Variants in SH3GL3 observed in about 807,000 individuals in gnomAD.
SH3GL3 encodes endophilin-A3.
SH3GL3 carries 33 observed loss-of-function variants against 47.7 expected under a neutral mutation model. The observed-to-expected ratio is 0.69, with a 90% CI of 0.52 to 0.92. The LOEUF (loss-of-function observed/expected upper bound fraction) is 0.92, where lower values mean the gene tolerates loss of function less well. Among genes scored for constraint, SH3GL3 ranks in the 40% least tolerant of loss-of-function variants. The pLI, the probability that SH3GL3 is intolerant of heterozygous loss-of-function variation, is 0.00. For missense variants in SH3GL3, 363 were observed against 417.8 expected (o/e 0.87, Z 1.14); for synonymous variants, 155 against 148.8 (o/e 1.04, Z -0.30).
Position 83,447,488 on chromosome 15 carries a change from C to A in SH3GL3, c.-46C>A, listed in dbSNP as rs751872010. 4.1e-5 allele frequency: 60 copies of A among 1,467,144 alleles called. No homozygotes were observed. In the South Asian group the frequency reaches 7.7e-4, roughly 19 times the overall value. 90.9% of individuals were successfully genotyped at this position (1,467,144 alleles called of 1,614,324 possible). A position where few individuals can be genotyped will look rare whatever the true frequency, so the allele number is the denominator to read the frequency against. On this transcript the variant is annotated 5_prime_UTR_variant, in exon 1 of 9. Coordinates refer to ENST00000427482, the MANE Select transcript of SH3GL3 (RefSeq NM_003027.5). This position sits in a 1 kb window ranked among gnomAD's most constrained non-coding sequence, Gnocchi z 5.1. ...CCCGAGCGCGTCGCGGCCGCGTGGC[C>A]CAGCCGAGCCTTGAGACCACCCCGC...
At chr15:83,623,178 C>A (rs1279615772), downstream of SH3GL3, among the ~76,000 whole-genome samples, 1 of 152,296 alleles carries the variant, frequency 6.6e-6, no homozygotes, top group African/African-American at 2.4e-5. Context: ...TACCACCAAA[C>A]CTTAACCCTT....
At chr15:83,623,929 G>A in the SH3GL3 span, among the ~76,000 whole-genome samples, 5 of 152,166 alleles carry the variant, frequency 3.3e-5, no homozygotes, top group South Asian at 4.2e-4. Context: ...GGGATTACAC[G>A]TGCCCACCAC....
intron 2 of SH3GL3, 23 bp from the exon 3 acceptor site, chr15:83,565,110 CT>C (rs1566991460): frequency 8.8e-6 from 10 of 1,136,346 alleles, no homozygotes; most frequent in Admixed American, 4.0e-5. Context: ...CATTTACTAA[CT>C]TTTTTTAAAT....
chr15:83,481,484 G>C lies in SH3GL3; in HGVS notation c.45+33906G>C, dbSNP rs141930980. 1.6e-3 allele frequency among the ~76,000 whole-genome samples: 250 copies of C among 152,238 alleles called. 2 individuals are homozygous for C. Among genetic ancestry groups the C allele is most frequent in the African/African-American group, 5.8e-3 (241 of 41,534 alleles). Reference sequence around the variant, plus strand: ...ATTTAAATTGCTACTTCTCCCTGCTGGTTTGGTTTGGTTCTCCTCAGAAAT... The same window carrying C: ...ATTTAAATTGCTACTTCTCCCTGCTCGTTTGGTTTGGTTCTCCTCAGAAAT... On this transcript the variant is annotated intron_variant, in intron 1 of 8. Transcript: ENST00000427482.
intron 8 of SH3GL3, among the ~76,000 whole-genome samples, chr15:83,605,799 T>G (rs2060499928): frequency 6.6e-6 from 1 of 152,104 alleles, no homozygotes; most frequent in Admixed American, 6.5e-5. Flanking sequence ...GTTTCATCAG[T>G]GTAAGCTGCC....
intron 1 of SH3GL3, 39 bp from the exon 2 acceptor site, chr15:83,559,214 A>T (rs2045120931): frequency 1.8e-6 from 2 of 1,131,490 alleles, no homozygotes; most frequent in Non-Finnish European, 1.3e-6. Flanking sequence ...GTGACAAGAA[A>T]TCATTGTACA....
chr15:83,523,966 AACAG>A (rs1488433320), intron 1 of SH3GL3, among the ~76,000 whole-genome samples: 1 of 143,790 alleles, frequency 7.0e-6, no homozygotes, highest in Non-Finnish European at 1.5e-5. Context: ...AAAAAAAAAA[AACAG>A]ACAGCAAAAA....
At position 83,507,065 on chromosome 15, in the gene SH3GL3, G is replaced by A. The variant is rs1314642204; in HGVS notation, c.46-52188G>A. On this transcript the variant is annotated intron_variant, in intron 1 of 8. Transcript: ENST00000427482. ...CTGTCACCCAGGCTGGAGTGCAGTG[G>A]CACGATCTCCGCTCACTGCAAGCTC... Among the ~76,000 whole-genome samples the A allele has an allele frequency of 3.3e-5, 5 of 151,962 alleles. No homozygotes were observed. The East Asian group carries it at 9.7e-4, about 29-fold the overall frequency.
At chr15:83,559,206 G>T in intron 1 of SH3GL3, 47 bp from the exon 2 acceptor site, 1 of 1,080,668 alleles carries the variant, frequency 9.3e-7, no homozygotes, top group South Asian at 1.4e-5. Context: ...AAAAAACTGT[G>T]ACAAGAAATC....
intron 1 of SH3GL3, among the ~76,000 whole-genome samples, chr15:83,505,340 T>C (rs1411480730): frequency 2.0e-5 from 3 of 152,106 alleles, no homozygotes; most frequent in Non-Finnish European, 2.9e-5. Context: ...TATACTCCAA[T>C]CTGCAGGACG....
At position 83,588,616 on chromosome 15, in the gene SH3GL3, G is replaced by C. The variant is rs147739870; in HGVS notation, c.729-46G>C. ...GGCAGAGAGGATGTGTGTTTGGAAA[G>C]CTTTCAACATCAGATGTCTGGCTCA... On this transcript the variant is annotated intron_variant, in intron 7 of 8. Transcript: ENST00000427482. 1.3e-3 allele frequency: 1,495 copies of C among 1,190,110 alleles called. 25 individuals carry two copies. The Admixed American group carries it at 0.022, about 18-fold the overall frequency. 73.7% of individuals were successfully genotyped at this position (1,190,110 alleles called of 1,614,324 possible).
At chr15:83,633,116 T>C in the SH3GL3 span, among the ~76,000 whole-genome samples, 2 of 152,150 alleles carry the variant, frequency 1.3e-5, no homozygotes, top group African/African-American at 4.8e-5. Flanking sequence ...TGACACAATG[T>C]AAATGGATAT....
Position 83,572,651 on chromosome 15 carries a change from A to T in SH3GL3, c.418A>T (p.Ile140Phe). The T allele has an allele frequency of 6.2e-7, 1 of 1,611,622 alleles. No homozygotes were observed. Among genetic ancestry groups the T allele is most frequent in the Non-Finnish European group, 8.5e-7 (1 of 1,177,700 alleles). Residue 140 changes from isoleucine (I) to phenylalanine (F), a missense_variant, in exon 5 of 9, where the codon ATT (isoleucine) becomes TTT (phenylalanine). Transcript: ENST00000427482. Reference protein sequence around the residue: ...SLDINVKQTFIDPLQLLQDKD... With the variant: ...SLDINVKQTFFDPLQLLQDKD... ...TGATATTAATGTAAAGCAAACTTTT[A>T]TTGATCCACTTCAGTTACTACAAGA...
At chr15:83,499,508 A>G (rs1169775721) in intron 1 of SH3GL3, among the ~76,000 whole-genome samples, 2 of 152,138 alleles carry the variant, frequency 1.3e-5, no homozygotes, top group African/African-American at 4.8e-5. Context: ...TTTCCCTTAA[A>G]CATTTTAAAG....
chr15:83,489,880 TA>T (rs2041793862), intron 1 of SH3GL3, among the ~76,000 whole-genome samples: 1 of 151,334 alleles, frequency 6.6e-6, no homozygotes, highest in African/African-American at 2.4e-5. Flanking sequence ...GATAGATAGA[TA>T]GATAGATAAT....
At chr15:83,468,289 A>T (rs1469667655) in intron 1 of SH3GL3, among the ~76,000 whole-genome samples, 1 of 152,200 alleles carries the variant, frequency 6.6e-6, no homozygotes, top group East Asian at 1.9e-4. Flanking sequence ...GGGATTTTCT[A>T]TGTAAACAAT....
chr15:83,623,978 G>A, the SH3GL3 span, among the ~76,000 whole-genome samples: 3 of 152,168 alleles, frequency 2.0e-5, no homozygotes, highest in South Asian at 2.1e-4. Flanking sequence ...GTGGAGACGG[G>A]GTTTCACCAT....
At chr15:83,552,479 T>A (rs1342699576) in intron 1 of SH3GL3, among the ~76,000 whole-genome samples, 4 of 152,228 alleles carry the variant, frequency 2.6e-5, no homozygotes, top group Non-Finnish European at 5.9e-5. Flanking sequence ...AATTGCATTA[T>A]GGTTAAAAAA....
chr15:83,459,814 A>G (rs533675320), intron 1 of SH3GL3, among the ~76,000 whole-genome samples: 2 of 152,150 alleles, frequency 1.3e-5, no homozygotes, highest in East Asian at 3.9e-4. Context: ...CACGACATAC[A>G]ATTTGCAGGT....
Sources: gnomAD v4.1 joint callset for allele counts (sites outside exome capture counted in the v4.1 genomes callset) on GRCh38, gnomAD v4.1.1 for gene constraint, Gnocchi (gnomAD v3.1) non-coding constraint, MANE v1.5 for transcripts, NCBI Gene and HGNC (gene_info 2026-07-23, HGNC 2026-07-21) for gene names.